The following GRIK1 variants were observed in gnomAD, a reference collection of about 807,000 sequenced individuals.
The protein encoded by GRIK1 is glutamate receptor ionotropic, kainate 1.
Under a neutral mutation model 105.7 loss-of-function variants are expected in GRIK1, and 69 were observed. That is an observed-to-expected ratio of 0.65 (90% confidence interval 0.54 to 0.80). GRIK1 has a LOEUF of 0.80. GRIK1 is among the 30% of genes least tolerant of loss of function. The pLI, the probability that GRIK1 is intolerant of heterozygous loss-of-function variation, is 0.00. For synonymous variants in GRIK1, 438 were observed against 431.3 expected, an observed-to-expected ratio of 1.02 and a Z score of -0.19; for missense variants, 1,109 against 1,167.3, an observed-to-expected ratio of 0.95 and a Z score of 0.73.
chr21:29,850,940 G>C, intron 1 of GRIK1, among the ~76,000 whole-genome samples: 1 of 152,130 alleles, frequency 6.6e-6, no homozygotes, highest in East Asian at 1.9e-4. Flanking sequence ...TAACACAAAT[G>C]AATTCAAGAT....
intron 7 of GRIK1, among the ~76,000 whole-genome samples, chr21:29,605,720 C>T (rs375993582): frequency 2.5e-4 from 38 of 152,248 alleles, no homozygotes; most frequent in East Asian, 2.1e-3. Context: ...GCAACCTCGC[C>T]AGCATCTGTT....
At chr21:29,615,591 G>A (rs542152403) in intron 7 of GRIK1, among the ~76,000 whole-genome samples, 2 of 152,342 alleles carry the variant, frequency 1.3e-5, no homozygotes, top group South Asian at 2.1e-4. Context: ...TTACAGGCAT[G>A]AGCCACGGCG....
intron 7 of GRIK1, among the ~76,000 whole-genome samples, chr21:29,620,907 GTAAT>G (rs1400737462): frequency 4.4e-5 from 6 of 137,392 alleles, no homozygotes; most frequent in African/African-American, 1.1e-4. Context: ...TATCATATAT[GTAAT>G]TAATTCTATA....
At chr21:29,787,778 CAGGA>C (rs764939738) in intron 1 of GRIK1, among the ~76,000 whole-genome samples, 232 of 152,268 alleles carry the variant, frequency 1.5e-3, no homozygotes, top group Middle Eastern at 3.4e-3. Flanking sequence ...GGTAGAACGC[CAGGA>C]ACATTTATCA....
chr21:29,704,529 A>C (rs2063868047), intron 1 of GRIK1, among the ~76,000 whole-genome samples: 1 of 152,178 alleles, frequency 6.6e-6, no homozygotes, highest in Admixed American at 6.5e-5. Context: ...CTTCAGAGCT[A>C]AATGCAATGA....
chr21:29,785,026 A>C (rs1051444314), intron 1 of GRIK1, among the ~76,000 whole-genome samples: 2 of 152,322 alleles, frequency 1.3e-5, no homozygotes, highest in East Asian at 3.9e-4. Flanking sequence ...AAGTTGCAGC[A>C]AAACAAAACA....
intron 1 of GRIK1, among the ~76,000 whole-genome samples, chr21:29,882,533 A>T (rs2069457389): frequency 6.6e-6 from 1 of 152,002 alleles, no homozygotes; most frequent in Non-Finnish European, 1.5e-5. Context: ...TCACAATGAC[A>T]CTCCAATGTG....
intron 10 of GRIK1, among the ~76,000 whole-genome samples, 155 bp from the exon 11 acceptor site, chr21:29,589,197 A>G (rs1041665814): frequency 6.6e-6 from 1 of 152,166 alleles, no homozygotes; most frequent in African/African-American, 2.4e-5. Context: ...TCCTCTATAA[A>G]TACAAAACAC....
intron 1 of GRIK1, among the ~76,000 whole-genome samples, chr21:29,821,726 G>T (rs529166766): frequency 6.6e-6 from 1 of 152,050 alleles, no homozygotes; most frequent in Non-Finnish European, 1.5e-5. Flanking sequence ...TATTGCAAAT[G>T]GTGCCATGTA....
intron 1 of GRIK1, among the ~76,000 whole-genome samples, chr21:29,743,288 T>C (rs933830459): frequency 2.6e-5 from 4 of 152,168 alleles, no homozygotes; most frequent in Non-Finnish European, 5.9e-5. Flanking sequence ...AATAAAATGT[T>C]GGGAGAAAAT....
At chr21:29,542,415 T>G (rs2089986741) in intron 16 of GRIK1, among the ~76,000 whole-genome samples, 1 of 152,196 alleles carries the variant, frequency 6.6e-6, no homozygotes, top group Non-Finnish European at 1.5e-5. Context: ...TATCCTTCCG[T>G]TGCAAATGTT....
At chr21:29,800,450 T>C (rs2066674637) in intron 1 of GRIK1, among the ~76,000 whole-genome samples, 1 of 152,216 alleles carries the variant, frequency 6.6e-6, no homozygotes, top group African/African-American at 2.4e-5. Context: ...GTCAGCATTA[T>C]TGTATTCACA....
At chr21:29,584,789 G>C (rs990000862) in intron 12 of GRIK1, among the ~76,000 whole-genome samples, 12 of 152,084 alleles carry the variant, frequency 7.9e-5, no homozygotes, top group African/African-American at 2.9e-4. Context: ...AACCACTAAG[G>C]TGGTAACTGA....
intron 3 of GRIK1, among the ~76,000 whole-genome samples, chr21:29,676,777 G>A (rs1005088916): frequency 7.2e-5 from 11 of 152,034 alleles, no homozygotes; most frequent in African/African-American, 1.9e-4. Flanking sequence ...AACTGACCTG[G>A]ACTCTTTAAA....
rs184662580 is a variant in GRIK1, at chr21:29,661,835, A to G, written c.727-6972T>C. ...AGGAAAAATTGACTTTTTTCATTTG[A>G]GGTTGACAACTTGCTAAGTTCCTCT... On this transcript the variant is annotated intron_variant, in intron 4 of 17. Coordinates refer to ENST00000327783, the MANE Select transcript of GRIK1 (RefSeq NM_001330994.2). Among the ~76,000 whole-genome samples the G allele has an allele frequency of 1.0e-3, 152 of 152,310 alleles. 1 individual carries two copies. Among genetic ancestry groups the G allele is most frequent in the Non-Finnish European group, 6.3e-4 (43 of 68,016 alleles).
chr21:29,682,820 G>T (rs2063405626), intron 3 of GRIK1, among the ~76,000 whole-genome samples: 1 of 152,126 alleles, frequency 6.6e-6, no homozygotes, highest in Non-Finnish European at 1.5e-5. Context: ...CACAGCAAGA[G>T]AAATTATCAA....
chr21:29,578,028 A>G (rs1273645190), intron 13 of GRIK1, among the ~76,000 whole-genome samples: 2 of 152,232 alleles, frequency 1.3e-5, no homozygotes, highest in African/African-American at 4.8e-5. Context: ...TTACTGTCAT[A>G]AAAGACAAAC....
At chr21:29,609,439 T>C (rs1420514843) in intron 7 of GRIK1, among the ~76,000 whole-genome samples, 2 of 152,162 alleles carry the variant, frequency 1.3e-5, no homozygotes, top group African/African-American at 4.8e-5. Context: ...TGGTTCACAT[T>C]ATGTGTCAAT....
At chr21:29,730,510 A>G (rs1000932707) in intron 1 of GRIK1, among the ~76,000 whole-genome samples, 1 of 152,242 alleles carries the variant, frequency 6.6e-6, no homozygotes, top group Non-Finnish European at 1.5e-5. Flanking sequence ...AAGATTTCAA[A>G]TAGCCGATTA....
Sources: allele counts gnomAD v4.1 joint callset (sites outside exome capture counted in the v4.1 genomes callset), GRCh38; gene constraint gnomAD v4.1.1; transcripts MANE v1.5; gene names NCBI Gene and HGNC (gene_info 2026-07-23, HGNC 2026-07-21).